The following MFHAS1 variants were observed in gnomAD, a reference collection of about 807,000 sequenced individuals.
MFHAS1 encodes multifunctional ROCO family signaling regulator 1, also known as malignant fibrous histiocytoma-amplified sequence 1.
Under a neutral mutation model 70.4 loss-of-function variants are expected in MFHAS1, and 50 were observed. That is an observed-to-expected ratio of 0.71 (90% CI 0.57 to 0.90). The LOEUF (loss-of-function observed/expected upper bound fraction) is 0.90, where lower values mean the gene tolerates loss of function less well. Among genes scored for constraint, MFHAS1 ranks in the 40% least tolerant of loss-of-function variants. MFHAS1 has a pLI of 0.00. For synonymous variants in MFHAS1, 952 were observed against 620.0 expected (o/e 1.54, Z -7.96); for missense variants, 1,795 against 1,347.6 (o/e 1.33, Z -5.20).
intron 1 of MFHAS1, among the ~76,000 whole-genome samples, chr8:8,828,893 G>A (rs916942245): frequency 1.3e-5 from 2 of 152,138 alleles, no homozygotes; most frequent in African/African-American, 4.8e-5. Flanking sequence ...CCCGCCCCTA[G>A]CTCAGTCCTT....
intron 2 of MFHAS1, among the ~76,000 whole-genome samples, chr8:8,794,144 C>T (rs775704676): frequency 6.6e-6 from 1 of 151,812 alleles, no homozygotes; most frequent in Non-Finnish European, 1.5e-5. Context: ...GAGCTGAGAT[C>T]GCACCACTGC....
At chr8:8,813,051 A>T (rs923428619) in intron 1 of MFHAS1, among the ~76,000 whole-genome samples, 1 of 152,186 alleles carries the variant, frequency 6.6e-6, no homozygotes, top group Non-Finnish European at 1.5e-5. Context: ...ACAGGCATGA[A>T]CCACTGCACC....
At chr8:8,884,660 C>G (rs1809681401) in intron 1 of MFHAS1, among the ~76,000 whole-genome samples, 1 of 152,040 alleles carries the variant, frequency 6.6e-6, no homozygotes, top group East Asian at 1.9e-4. Context: ...GTGTGAATAA[C>G]AAAGAAAAAG....
At position 8,892,864 on chromosome 8, in the gene MFHAS1, A is replaced by T. The variant is rs751550584; in HGVS notation, c.195T>A (p.Ile65=). 8.8e-6 allele frequency: 14 copies of T among 1,593,952 alleles called. No individual in the cohort carries two copies. The highest frequency in any genetic ancestry group is 1.1e-5 in the South Asian group (1 of 88,508). The part of the protein sequence containing the change: ...QLVLPANLGD[I]EALNLGNNGL... ...CGTTGTTCCCCAGGTTCAGTGCCTC[A>T]ATGTCCCCGAGGTTGGCCGGCAGCA... is the stretch of plus-strand genomic sequence containing the variant. The change falls in exon 1 of 3, where the codon ATT becomes ATA. Residue 65 remains isoleucine, a synonymous_variant. Coordinates refer to ENST00000276282, the MANE Select transcript of MFHAS1 (RefSeq NM_004225.3). The surrounding 1 kb of genome is among the most constrained non-coding windows in gnomAD (Gnocchi z 4.7).
Position 8,893,062 on chromosome 8 carries a change from G to A in MFHAS1, c.-4C>T, listed in dbSNP as rs772964514. ...TGCCACTGTCCATCCCAGCCATGGCGGGGCCCCGGGCCGACAGCCTCACGC... is the reference window on the plus strand; with the variant it reads ...TGCCACTGTCCATCCCAGCCATGGCAGGGCCCCGGGCCGACAGCCTCACGC... On this transcript the variant is annotated 5_prime_UTR_variant, in exon 1 of 3. Coordinates refer to ENST00000276282, the MANE Select transcript of MFHAS1 (RefSeq NM_004225.3). 197 of 1,486,828 alleles carry A rather than the reference G, an allele frequency of 1.3e-4. No homozygotes were observed. The highest frequency in any genetic ancestry group is 2.3e-4 in the Middle Eastern group (1 of 4,336). The allele number at this position is 1,486,828 out of a possible 1,614,324, so 92.1% of individuals were successfully genotyped here.
intron 2 of MFHAS1, among the ~76,000 whole-genome samples, chr8:8,795,356 A>G (rs768722062): frequency 6.6e-6 from 1 of 152,214 alleles, no homozygotes; most frequent in Non-Finnish European, 1.5e-5. Context: ...TGTTCAGGAC[A>G]GGGGATATTC....
chr8:8,884,049 C>CAA (rs905291698), intron 1 of MFHAS1, among the ~76,000 whole-genome samples: 6 of 90,760 alleles, frequency 6.6e-5, no homozygotes, highest in African/African-American at 3.9e-4. Context: ...CAAACACACA[C>CAA]ACACACACAC....
chr8:8,825,915 G>A (rs1384686514), intron 1 of MFHAS1, among the ~76,000 whole-genome samples: 3 of 152,126 alleles, frequency 2.0e-5, no homozygotes, highest in Non-Finnish European at 4.4e-5. Context: ...GAGGCTCAGA[G>A]GTAGAAGGAG....
chr8:8,791,714 G>A (rs1035492154), intron 2 of MFHAS1, among the ~76,000 whole-genome samples: 5 of 152,120 alleles, frequency 3.3e-5, no homozygotes, highest in African/African-American at 7.2e-5. Flanking sequence ...TTGCCCACGG[G>A]AAGTATAGGT....
intron 2 of MFHAS1, among the ~76,000 whole-genome samples, chr8:8,788,791 G>C (rs10093872): frequency 6.6e-6 from 1 of 152,312 alleles, no homozygotes; most frequent in South Asian, 2.1e-4. Flanking sequence ...TGGCCTCAGC[G>C]ACCAATGGGC....
At chr8:8,871,632 G>A (rs911640416) in intron 1 of MFHAS1, among the ~76,000 whole-genome samples, 2 of 152,178 alleles carry the variant, frequency 1.3e-5, no homozygotes, top group African/African-American at 4.8e-5. Flanking sequence ...TCTGATAGCA[G>A]GTGTAAATGC....
intron 1 of MFHAS1, among the ~76,000 whole-genome samples, chr8:8,808,629 A>G (rs976328985): frequency 6.6e-6 from 1 of 152,254 alleles, no homozygotes; most frequent in Admixed American, 6.5e-5. Context: ...TGAAAAAGGA[A>G]AAATAAATCC....
At chr8:8,888,578 T>C (rs773599792) in intron 1 of MFHAS1, among the ~76,000 whole-genome samples, 3 of 151,674 alleles carry the variant, frequency 2.0e-5, no homozygotes, top group Non-Finnish European at 4.4e-5. Flanking sequence ...GATGAGGAAA[T>C]GGACACGTTC....
intron 1 of MFHAS1, among the ~76,000 whole-genome samples, chr8:8,884,855 T>C (rs1034323817): frequency 3.3e-5 from 5 of 151,980 alleles, no homozygotes; most frequent in African/African-American, 1.2e-4. Context: ...GAGGCTGAAG[T>C]AGGAGGATCA....
intron 1 of MFHAS1, among the ~76,000 whole-genome samples, chr8:8,836,180 T>C (rs150853661): frequency 6.6e-6 from 1 of 152,304 alleles, no homozygotes; most frequent in East Asian, 1.9e-4. Flanking sequence ...AACAATTACA[T>C]AAAGGCTGTG....
chr8:8,825,844 C>T (rs1354332191), intron 1 of MFHAS1, among the ~76,000 whole-genome samples: 1 of 152,168 alleles, frequency 6.6e-6, no homozygotes, highest in East Asian at 1.9e-4. Context: ...TCTTTTCTTG[C>T]TAAAGGAGCT....
At chr8:8,808,752 A>C (rs1172472011) in intron 1 of MFHAS1, among the ~76,000 whole-genome samples, 3 of 152,212 alleles carry the variant, frequency 2.0e-5, no homozygotes, top group Non-Finnish European at 4.4e-5. Context: ...ATATGACCGG[A>C]AACGTTTTCC....
At chr8:8,854,753 T>G (rs553887404) in intron 1 of MFHAS1, among the ~76,000 whole-genome samples, 2 of 152,188 alleles carry the variant, frequency 1.3e-5, no homozygotes, top group South Asian at 4.1e-4. Flanking sequence ...ATGGAACATA[T>G]TTACACTAAA....
At chr8:8,823,048 G>T (rs10109886) in intron 1 of MFHAS1, among the ~76,000 whole-genome samples, 1 of 151,916 alleles carries the variant, frequency 6.6e-6, no homozygotes, top group South Asian at 2.1e-4. Flanking sequence ...ACACAGGACA[G>T]TCTCGAATTC....
Sources: allele counts gnomAD v4.1 joint callset (sites outside exome capture counted in the v4.1 genomes callset), GRCh38; gene constraint gnomAD v4.1.1; non-coding constraint Gnocchi (gnomAD v3.1); transcripts MANE v1.5; gene names NCBI Gene and HGNC (gene_info 2026-07-23, HGNC 2026-07-21).